The following ZMYM4 variants were observed in gnomAD, a reference collection of about 807,000 sequenced individuals.
The protein encoded by ZMYM4 is zinc finger MYM-type protein 4.
ZMYM4 carries 31 observed loss-of-function variants against 183.2 expected under a neutral mutation model. The ratio of observed to expected loss-of-function variants is 0.17; its 90% CI spans 0.13 to 0.23. The LOEUF is 0.23. Among genes scored for constraint, ZMYM4 ranks in the 10% least tolerant of loss-of-function variants. The probability of loss-of-function intolerance (pLI) is 1.00; values close to 1 mark genes in which losing one functional copy is unlikely to be tolerated. For missense variants in ZMYM4, 1,273 were observed against 1,840.3 expected, an observed-to-expected ratio of 0.69 and a Z score of 5.64; for synonymous variants, 592 against 631.2, an observed-to-expected ratio of 0.94 and a Z score of 0.93.
At chr1:35,302,090 T>G (rs1182379631) in intron 1 of ZMYM4, among the ~76,000 whole-genome samples, 2 of 152,208 alleles carry the variant, frequency 1.3e-5, no homozygotes, top group Non-Finnish European at 2.9e-5. Flanking sequence ...CATTCATTTT[T>G]GTTGTCTGAG....
chr1:35,327,875 G>A (rs1642570973), intron 2 of ZMYM4, among the ~76,000 whole-genome samples: 1 of 152,156 alleles, frequency 6.6e-6, no homozygotes, highest in African/African-American at 2.4e-5. Flanking sequence ...GGGCCAGCTT[G>A]AATCTCATGT....
At chr1:35,306,913 ATTGT>A (rs759230805) in intron 1 of ZMYM4, among the ~76,000 whole-genome samples, 10 of 152,170 alleles carry the variant, frequency 6.6e-5, no homozygotes, top group Non-Finnish European at 1.3e-4. Flanking sequence ...TAACTATGTA[ATTGT>A]TTGTGTAATA....
intron 23 of ZMYM4, among the ~76,000 whole-genome samples, chr1:35,400,727 C>T (rs777814532): frequency 6.6e-6 from 1 of 152,268 alleles, no homozygotes; most frequent in Admixed American, 6.5e-5. Context: ...TGAACAATTC[C>T]ACTTAGCAAG....
At chr1:35,382,686 C>A (rs1644492046) in intron 9 of ZMYM4, among the ~76,000 whole-genome samples, 1 of 152,084 alleles carries the variant, frequency 6.6e-6, no homozygotes, top group South Asian at 2.1e-4. Context: ...CTCAAGTGAT[C>A]CACCTGCCTC....
At chr1:35,393,545 C>T in intron 17 of ZMYM4, 50 bp from the exon 18 acceptor site, 3 of 1,481,648 alleles carry the variant, frequency 2.0e-6, no homozygotes, top group Non-Finnish European at 2.7e-6. Flanking sequence ...CTTATAATTA[C>T]AATGAGATTT....
intron 2 of ZMYM4, among the ~76,000 whole-genome samples, chr1:35,333,946 T>C (rs1642865515): frequency 6.6e-6 from 1 of 151,866 alleles, no homozygotes; most frequent in African/African-American, 2.4e-5. Flanking sequence ...CAATGAACAA[T>C]GATACATTAA....
intron 25 of ZMYM4, 83 bp downstream of exon 25, chr1:35,405,551 T>C (rs531960936): frequency 9.0e-7 from 1 of 1,110,528 alleles, no homozygotes; most frequent in African/African-American, 1.6e-5. Context: ...TATTTAAAAT[T>C]ATTTAAAATT....
intron 23 of ZMYM4, among the ~76,000 whole-genome samples, chr1:35,402,648 G>A (rs766858273): frequency 5.9e-5 from 9 of 151,750 alleles, no homozygotes; most frequent in Non-Finnish European, 1.0e-4. Flanking sequence ...TTCATTTTTC[G>A]TGTTCCTTAC....
intron 2 of ZMYM4, among the ~76,000 whole-genome samples, chr1:35,355,546 C>T (rs1162306811): frequency 6.6e-5 from 10 of 152,192 alleles, no homozygotes; most frequent in Admixed American, 6.5e-4. Flanking sequence ...CTATCTTTAT[C>T]TTTTAAGGAA....
chr1:35,283,038 G>T (rs1640268166), intron 1 of ZMYM4, among the ~76,000 whole-genome samples: 1 of 92,242 alleles, frequency 1.1e-5, no homozygotes, highest in Admixed American at 1.7e-4. Context: ...TTACTCTGTT[G>T]CCCAGGCCGG....
intron 7 of ZMYM4, among the ~76,000 whole-genome samples, chr1:35,380,536 C>T (rs1278814688): frequency 6.6e-6 from 1 of 152,054 alleles, no homozygotes; most frequent in Non-Finnish European, 1.5e-5. Context: ...CCGTGTTAGC[C>T]AGGATGCTCT....
chr1:35,356,523 T>C (rs181281470), intron 2 of ZMYM4, among the ~76,000 whole-genome samples: 6 of 152,308 alleles, frequency 3.9e-5, no homozygotes, highest in African/African-American at 2.4e-5. Context: ...ATTATATTAT[T>C]GCCTCTACGT....
At chr1:35,287,212 T>C (rs531272092) in intron 1 of ZMYM4, among the ~76,000 whole-genome samples, 63 of 151,750 alleles carry the variant, frequency 4.2e-4, no homozygotes, top group Non-Finnish European at 7.2e-4. Context: ...ATAGTGGTTT[T>C]ACTTAATTTT....
At chr1:35,308,596 A>T (rs1641655009) in intron 1 of ZMYM4, among the ~76,000 whole-genome samples, 1 of 152,198 alleles carries the variant, frequency 6.6e-6, no homozygotes, top group Non-Finnish European at 1.5e-5. Flanking sequence ...GTGGTGGTTC[A>T]CGGCTGTAAT....
chr1:35,299,730 C>T (rs546419536), intron 1 of ZMYM4, among the ~76,000 whole-genome samples: 44 of 151,932 alleles, frequency 2.9e-4, no homozygotes, highest in Middle Eastern at 6.8e-3. Flanking sequence ...TACAAAGTTA[C>T]ACTCTTATGC....
chr1:35,389,345 A>G lies in ZMYM4; in HGVS notation c.2436+263A>G, dbSNP rs1429668684. Among the ~76,000 whole-genome samples the G allele has an allele frequency of 1.3e-5, 2 of 152,214 alleles. No homozygotes were observed. The highest frequency in any genetic ancestry group is 4.8e-5 in the African/African-American group (2 of 41,460). Reference sequence around the variant, plus strand: ...ATAATTTTATTCACTTATTATTTAAATAAAGTGAATTTGTCTTCTGAAGTC... The same window carrying G: ...ATAATTTTATTCACTTATTATTTAAGTAAAGTGAATTTGTCTTCTGAAGTC... On this transcript the variant is annotated intron_variant, in intron 14 of 29. Coordinates refer to ENST00000314607, the MANE Select transcript of ZMYM4 (RefSeq NM_005095.3). This position sits in a 1 kb window ranked among gnomAD's most constrained non-coding sequence, Gnocchi z 4.0.
At chr1:35,333,220 A>G (rs1022623394) in intron 2 of ZMYM4, among the ~76,000 whole-genome samples, 2 of 151,958 alleles carry the variant, frequency 1.3e-5, no homozygotes, top group Non-Finnish European at 2.9e-5. Context: ...TTCCAGTAAT[A>G]CATATATGTA....
At chr1:35,403,426 C>T (rs758878912) in intron 23 of ZMYM4, among the ~76,000 whole-genome samples, 2 of 152,140 alleles carry the variant, frequency 1.3e-5, no homozygotes, top group Non-Finnish European at 2.9e-5. Flanking sequence ...GCTGGGATTA[C>T]AGGTGCCCAC....
intron 26 of ZMYM4, among the ~76,000 whole-genome samples, chr1:35,410,048 C>T (rs1046648370): frequency 1.8e-4 from 27 of 151,956 alleles, no homozygotes; most frequent in African/African-American, 6.0e-4. Flanking sequence ...AGCTTCCAAT[C>T]ACGGCATCAT....
Sources: allele counts gnomAD v4.1 joint callset (sites outside exome capture counted in the v4.1 genomes callset), GRCh38; gene constraint gnomAD v4.1.1; non-coding constraint Gnocchi (gnomAD v3.1); transcripts MANE v1.5; gene names NCBI Gene and HGNC (gene_info 2026-07-23, HGNC 2026-07-21).